Variants in NELL2 observed in about 807,000 individuals in gnomAD.
The protein encoded by NELL2 is protein kinase C-binding protein NELL2.
NELL2 carries 41 observed loss-of-function variants against 109.6 expected under a neutral mutation model. The observed-to-expected ratio is 0.37, with a 90% CI of 0.29 to 0.49. The LOEUF (loss-of-function observed/expected upper bound fraction) is 0.49, where lower values mean the gene tolerates loss of function less well. Ranked by LOEUF, NELL2 falls within the 20% of genes least tolerant of loss-of-function variation. The probability of loss-of-function intolerance (pLI) is 0.98; values close to 1 mark genes in which losing one functional copy is unlikely to be tolerated. For synonymous variants in NELL2, 355 were observed against 344.7 expected, an observed-to-expected ratio of 1.03 and a Z score of -0.33; for missense variants, 900 against 1,008.3, an observed-to-expected ratio of 0.89 and a Z score of 1.45.
chr12:44,845,565 A>T (rs2055676), intron 2 of NELL2, among the ~76,000 whole-genome samples: 129,420 of 152,208 alleles, frequency 0.85, 55,209 homozygotes, highest in Middle Eastern at 0.95. Context: ...CCATGACACT[A>T]TTCTGTTGGA....
rs1003464988 is a variant in NELL2 at position 44,656,593 on chromosome 12, A to G, written c.1444+8891T>C. On this transcript the variant is annotated intron_variant, in intron 13 of 19. Transcript: ENST00000429094. The stretch of plus-strand genomic sequence containing the variant: ...GCATTTTACTAAAGGAAAAGTGTAC[A>G]AGGCACTTTACAACTAAAATAACTT... 3.3e-5 allele frequency among the ~76,000 whole-genome samples: 5 copies of G among 152,226 alleles called. No homozygotes were observed. The South Asian group carries it at 8.3e-4, about 25-fold the overall frequency.
intron 13 of NELL2, among the ~76,000 whole-genome samples, chr12:44,649,648 G>A (rs1947233792): frequency 1.3e-5 from 2 of 152,138 alleles, no homozygotes; most frequent in Non-Finnish European, 2.9e-5. Flanking sequence ...TTTCCAGACT[G>A]CTCCTCAAGC....
chr12:44,623,679 T>G (rs1946137778), intron 13 of NELL2, among the ~76,000 whole-genome samples: 1 of 152,164 alleles, frequency 6.6e-6, no homozygotes, highest in Admixed American at 6.5e-5. Flanking sequence ...CATCATTCTC[T>G]TTCCCTGGTG....
At chr12:44,699,315 C>T (rs1007877855) in intron 12 of NELL2, among the ~76,000 whole-genome samples, 1 of 152,038 alleles carries the variant, frequency 6.6e-6, no homozygotes, top group Non-Finnish European at 1.5e-5. Context: ...GGCCAATATA[C>T]TTCCAGACAT....
At chr12:44,837,819 A>G (rs1944101292) in intron 2 of NELL2, among the ~76,000 whole-genome samples, 1 of 152,188 alleles carries the variant, frequency 6.6e-6, no homozygotes, top group Admixed American at 6.5e-5. Flanking sequence ...GGTAAAAGCA[A>G]TGTACCTTAC....
chr12:44,832,422 TGCA>T (rs1348331415), intron 2 of NELL2, among the ~76,000 whole-genome samples: 2 of 152,240 alleles, frequency 1.3e-5, no homozygotes, highest in African/African-American at 4.8e-5. Flanking sequence ...TATTTTGGTG[TGCA>T]TCCTTTCTTC....
At chr12:44,694,504 A>G (rs952338604) in intron 12 of NELL2, among the ~76,000 whole-genome samples, 3 of 137,898 alleles carry the variant, frequency 2.2e-5, no homozygotes, top group Admixed American at 7.6e-5. Context: ...TGTATATAAT[A>G]TACAACACAC....
chr12:44,893,651 T>C (rs1234583318), intron 1 of NELL2, among the ~76,000 whole-genome samples: 1 of 152,150 alleles, frequency 6.6e-6, no homozygotes, highest in African/African-American at 2.4e-5. Flanking sequence ...CCAGACTGAC[T>C]ATAGGATTTG....
chr12:44,823,092 T>G lies in NELL2; in HGVS notation c.185-6956A>C, dbSNP rs551170539. Among the ~76,000 whole-genome samples the G allele has an allele frequency of 3.9e-4, 60 of 152,318 alleles. 1 individual carries two copies. The highest frequency in any genetic ancestry group is 2.0e-3 in the Admixed American group (31 of 15,300). On this transcript the variant is annotated intron_variant, in intron 2 of 19. Transcript: ENST00000429094. ...AGTTGGAATTCCTTTCTTCTTTTTT[T>G]GGTGGCCAAATTTCTCTTCTTAATG...
chr12:44,697,778 G>A (rs1305182017), intron 12 of NELL2, among the ~76,000 whole-genome samples: 3 of 152,122 alleles, frequency 2.0e-5, no homozygotes, highest in Non-Finnish European at 4.4e-5. Flanking sequence ...AAAGCTAAAG[G>A]CATGTCTGCC....
chr12:44,518,365 C>A (rs942189992), intron 19 of NELL2, among the ~76,000 whole-genome samples: 1 of 152,058 alleles, frequency 6.6e-6, no homozygotes, highest in Non-Finnish European at 1.5e-5. Context: ...CTACCTCAGC[C>A]TCCTGAGTAG....
At chr12:44,854,253 C>T (rs1944611043) in intron 2 of NELL2, among the ~76,000 whole-genome samples, 1 of 152,070 alleles carries the variant, frequency 6.6e-6, no homozygotes, top group Admixed American at 6.6e-5. Flanking sequence ...AGATTAAGCC[C>T]TAAAACACCA....
At chr12:44,715,726 G>A (rs1212104014) in intron 9 of NELL2, among the ~76,000 whole-genome samples, 1 of 152,106 alleles carries the variant, frequency 6.6e-6, no homozygotes, top group Non-Finnish European at 1.5e-5. Flanking sequence ...ACCAGTGGAA[G>A]TGATCAACTG....
chr12:44,658,213 A>G (rs1947584707), intron 13 of NELL2, among the ~76,000 whole-genome samples: 1 of 152,200 alleles, frequency 6.6e-6, no homozygotes, highest in African/African-American at 2.4e-5. Context: ...TCTCAGCCCA[A>G]AATCTCTTTT....
chr12:44,515,360 G>A (rs1343509568), intron 19 of NELL2, among the ~76,000 whole-genome samples: 3 of 151,884 alleles, frequency 2.0e-5, no homozygotes, highest in African/African-American at 7.2e-5. Flanking sequence ...CTAGAGATAA[G>A]GAGGGACATT....
intron 15 of NELL2, among the ~76,000 whole-genome samples, chr12:44,556,937 A>G (rs1359363118): frequency 6.6e-6 from 1 of 152,196 alleles, no homozygotes; most frequent in Non-Finnish European, 1.5e-5. Context: ...GTGAATATAT[A>G]GGTTGGGGCC....
chr12:44,671,813 T>C (rs1415960826), intron 12 of NELL2, among the ~76,000 whole-genome samples: 18 of 152,196 alleles, frequency 1.2e-4, no homozygotes, highest in Non-Finnish European at 1.5e-5. Context: ...AAAATGGCTT[T>C]ACTGCTTAAT....
At chr12:44,643,953 A>G (rs1946955155) in intron 13 of NELL2, among the ~76,000 whole-genome samples, 1 of 152,198 alleles carries the variant, frequency 6.6e-6, no homozygotes. Context: ...AACAATAACA[A>G]TGATTTCACC....
At chr12:44,726,919 T>G (rs1372739624) in intron 9 of NELL2, among the ~76,000 whole-genome samples, 1 of 148,670 alleles carries the variant, frequency 6.7e-6, no homozygotes, top group Non-Finnish European at 1.5e-5. Flanking sequence ...AAACATTAAG[T>G]GTACAGGCTT....
Sources: gnomAD v4.1 joint callset for allele counts (sites outside exome capture counted in the v4.1 genomes callset) on GRCh38, gnomAD v4.1.1 for gene constraint, MANE v1.5 for transcripts, NCBI Gene and HGNC (gene_info 2026-07-23, HGNC 2026-07-21) for gene names.